The following CALN1 variants were observed in gnomAD, a reference collection of about 807,000 sequenced individuals.
CALN1 encodes calneuron 1, also known as calcium-binding protein 8.
A neutral mutation model predicts 30.6 loss-of-function variants in CALN1; 17 were observed. The observed-to-expected ratio is 0.56, with a 90% CI of 0.38 to 0.83. CALN1 has a LOEUF of 0.83. CALN1 is among the 40% of genes least tolerant of loss of function. The pLI, the probability that CALN1 is intolerant of heterozygous loss-of-function variation, is 0.00. For synonymous variants in CALN1, 156 were observed against 131.4 expected, an observed-to-expected ratio of 1.19 and a Z score of -1.28; for missense variants, 291 against 354.9, an observed-to-expected ratio of 0.82 and a Z score of 1.45.
intron 4 of CALN1, among the ~76,000 whole-genome samples, chr7:72,026,085 G>C (rs844782): frequency 0.018 from 2,767 of 152,224 alleles, 96 homozygotes; most frequent in African/African-American, 0.064. Flanking sequence ...GCTGGTAATC[G>C]TAAGAAAGCT....
At chr7:72,207,223 C>T (rs368120090) in intron 3 of CALN1, among the ~76,000 whole-genome samples, 4 of 152,162 alleles carry the variant, frequency 2.6e-5, no homozygotes, top group East Asian at 1.9e-4. Context: ...CCAACCACTC[C>T]GGCCCTCTGT....
At chr7:72,234,642 T>C (rs925268139) in intron 3 of CALN1, among the ~76,000 whole-genome samples, 4 of 152,066 alleles carry the variant, frequency 2.6e-5, no homozygotes, top group Non-Finnish European at 5.9e-5. Context: ...GATGGGGTTT[T>C]ACTATGTTGG....
At chr7:72,001,718 T>C (rs1799536528) in intron 5 of CALN1, among the ~76,000 whole-genome samples, 1 of 152,090 alleles carries the variant, frequency 6.6e-6, no homozygotes, top group African/African-American at 2.4e-5. Context: ...AGTCTCTCAC[T>C]CTGCCTTATG....
At chr7:72,357,793 G>A (rs961975679) in intron 2 of CALN1, among the ~76,000 whole-genome samples, 2 of 148,072 alleles carry the variant, frequency 1.4e-5, no homozygotes, top group African/African-American at 5.0e-5. Context: ...ATGGTCATGG[G>A]GTAAGAAACT....
intron 5 of CALN1, among the ~76,000 whole-genome samples, chr7:71,823,382 C>G (rs977783613): frequency 1.3e-5 from 2 of 152,136 alleles, no homozygotes; most frequent in African/African-American, 2.4e-5. Context: ...TCTGTTCTCA[C>G]GCTGCAAATA....
At chr7:71,859,453 G>A (rs951097903) in intron 5 of CALN1, among the ~76,000 whole-genome samples, 5 of 152,196 alleles carry the variant, frequency 3.3e-5, no homozygotes, top group African/African-American at 4.8e-5. Context: ...TGAAAGGAAT[G>A]TGTATGGGTT....
intron 5 of CALN1, among the ~76,000 whole-genome samples, chr7:71,977,454 A>G (rs1423680607): frequency 6.6e-6 from 1 of 152,110 alleles, no homozygotes; most frequent in African/African-American, 2.4e-5. Context: ...AAATAAATAA[A>G]TAAAAATGAA....
chr7:71,793,059 C>T (rs1394001820), intron 6 of CALN1, among the ~76,000 whole-genome samples: 1 of 152,028 alleles, frequency 6.6e-6, no homozygotes, highest in Admixed American at 6.6e-5. Context: ...AATCCCAGCA[C>T]TTTGGGAGGC....
chr7:72,499,907 TTCTTTCTA>T, the CALN1 span, among the ~76,000 whole-genome samples: 208 of 54,672 alleles, frequency 3.8e-3, 38 homozygotes, highest in African/African-American at 0.013. Flanking sequence ...CTTTCTTTCT[TTCTTTCTA>T]TCTTTCTCTT....
At chr7:72,341,445 C>T (rs1802380085) in intron 2 of CALN1, among the ~76,000 whole-genome samples, 1 of 152,174 alleles carries the variant, frequency 6.6e-6, no homozygotes, top group African/African-American at 2.4e-5. Context: ...ATCGCTTGAA[C>T]CTGGGAGGCA....
At chr7:72,044,895 G>A (rs1303147796) in intron 4 of CALN1, among the ~76,000 whole-genome samples, 2 of 152,118 alleles carry the variant, frequency 1.3e-5, no homozygotes, top group Non-Finnish European at 2.9e-5. Flanking sequence ...AATGGGATTA[G>A]AGGCGTGAGC....
intron 3 of CALN1, among the ~76,000 whole-genome samples, chr7:72,162,230 T>G (rs1788166063): frequency 6.6e-6 from 1 of 151,992 alleles, no homozygotes; most frequent in African/African-American, 2.4e-5. Flanking sequence ...AAGAGCCAAT[T>G]TCTGTGCCCT....
At chr7:71,936,125 C>T (rs1795816557) in intron 5 of CALN1, among the ~76,000 whole-genome samples, 1 of 152,054 alleles carries the variant, frequency 6.6e-6, no homozygotes, top group South Asian at 2.1e-4. Context: ...AAAAAAGTTT[C>T]CAGAAACCAC....
intron 2 of CALN1, among the ~76,000 whole-genome samples, chr7:72,385,815 C>T (rs568039817): frequency 3.3e-4 from 50 of 152,292 alleles, no homozygotes; most frequent in African/African-American, 1.1e-3. Context: ...AAAGTCCTTG[C>T]TTCCCCTTCA....
chr7:72,069,335 G>A lies in CALN1; in HGVS notation c.388+36816C>T, dbSNP rs532867654. On this transcript the variant is annotated intron_variant, in intron 4 of 6. Transcript: ENST00000395275. ...GGACTAGTTTCCTGAGGCAGTTGTA[G>A]CCAAGTATCACCCACCTGGTGGCTT... Among the ~76,000 whole-genome samples the A allele has an allele frequency of 1.2e-4, 19 of 152,290 alleles. No homozygotes were observed. In the South Asian group the frequency reaches 3.9e-3, roughly 32 times the overall value.
At chr7:72,250,900 G>GCAAAATGA (rs1302834208) in intron 3 of CALN1, among the ~76,000 whole-genome samples, 1 of 152,100 alleles carries the variant, frequency 6.6e-6, no homozygotes, top group Non-Finnish European at 1.5e-5. Context: ...ATATAGCAAT[G>GCAAAATGA]CAAAATGATC....
chr7:71,958,313 A>G (rs946002467), intron 5 of CALN1, among the ~76,000 whole-genome samples: 1 of 151,968 alleles, frequency 6.6e-6, no homozygotes, highest in Non-Finnish European at 1.5e-5. Context: ...TTCTTGCCCT[A>G]TTCTCATACT....
At chr7:72,116,860 C>A (rs1808021298) in intron 3 of CALN1, among the ~76,000 whole-genome samples, 1 of 152,068 alleles carries the variant, frequency 6.6e-6, no homozygotes, top group African/African-American at 2.4e-5. Flanking sequence ...CTCAAGAGGT[C>A]CTGAGAAAGT....
intron 3 of CALN1, among the ~76,000 whole-genome samples, chr7:72,205,958 A>T (rs997994014): frequency 1.3e-5 from 2 of 152,128 alleles, no homozygotes; most frequent in African/African-American, 4.8e-5. Flanking sequence ...CTTTTGCCAT[A>T]TACTAGCCAA....
Sources: gnomAD v4.1 joint callset for allele counts (sites outside exome capture counted in the v4.1 genomes callset) on GRCh38, gnomAD v4.1.1 for gene constraint, MANE v1.5 for transcripts, NCBI Gene and HGNC (gene_info 2026-07-23, HGNC 2026-07-21) for gene names.